TENM4: variants seen among roughly 807,000 people sequenced by gnomAD.
TENM4 encodes teneurin transmembrane protein 4.
A neutral mutation model predicts 243.3 loss-of-function variants in TENM4; 82 were observed. The ratio of observed to expected loss-of-function variants is 0.34; its 90% CI spans 0.28 to 0.40. The LOEUF (loss-of-function observed/expected upper bound fraction) is 0.40. Among genes scored for constraint, TENM4 ranks in the 10% least tolerant of loss-of-function variants. The pLI, the probability that TENM4 is intolerant of heterozygous loss-of-function variation, is 1.00. For missense variants in TENM4, 3,138 were observed against 3,673.3 expected (o/e 0.85, Z 3.77); for synonymous variants, 1,412 against 1,456.3 (o/e 0.97, Z 0.69).
At chr11:78,828,812 A>G (rs1857914366) in intron 12 of TENM4, among the ~76,000 whole-genome samples, 1 of 152,266 alleles carries the variant, frequency 6.6e-6, no homozygotes, top group South Asian at 2.1e-4. Flanking sequence ...TCTGTTGTGA[A>G]AACTTTATAG....
At chr11:78,847,477 TC>T (rs999513956) in intron 12 of TENM4, among the ~76,000 whole-genome samples, 1 of 152,214 alleles carries the variant, frequency 6.6e-6, no homozygotes, top group African/African-American at 2.4e-5. Context: ...GCTCTGATAC[TC>T]CTAGCTCTCT....
chr11:78,957,317 A>T (rs952146736), intron 6 of TENM4, among the ~76,000 whole-genome samples: 2 of 152,216 alleles, frequency 1.3e-5, no homozygotes, highest in African/African-American at 4.8e-5. Context: ...AACAACAACA[A>T]CAACAACAAA....
intron 2 of TENM4, among the ~76,000 whole-genome samples, chr11:79,232,330 C>T (rs1864388359): frequency 6.6e-6 from 1 of 152,178 alleles, no homozygotes; most frequent in Non-Finnish European, 1.5e-5. Flanking sequence ...CAGGTTAAGG[C>T]CAAGAGAGCA....
In TENM4 at chr11:78,756,877, TAGA is replaced by T; in HGVS notation, c.2681_2683del (p.Phe894del). 1.9e-6 allele frequency: 3 copies of T among 1,613,924 alleles called. No individual in the cohort carries two copies. Among genetic ancestry groups the T allele is most frequent in the South Asian group, 1.1e-5 (1 of 91,068 alleles). Reference sequence around the variant, plus strand: ...GCCCACGAGGAACTTGATGCGGTCATAGAAGGAGTGTAGGTTCTGCTGTGACAC... The same window carrying T: ...GCCCACGAGGAACTTGATGCGGTCATAGGAGTGTAGGTTCTGCTGTGACAC... On this transcript the variant is annotated inframe_deletion, in exon 19 of 34. Coordinates refer to ENST00000278550, the MANE Select transcript of TENM4 (RefSeq NM_001098816.3).
chr11:78,878,310 CG>C (rs1304599340), intron 9 of TENM4, among the ~76,000 whole-genome samples: 1 of 152,052 alleles, frequency 6.6e-6, no homozygotes, highest in Non-Finnish European at 1.5e-5. Flanking sequence ...CTAAGTATGA[CG>C]GAAATTTTTT....
intron 1 of TENM4, among the ~76,000 whole-genome samples, chr11:79,381,521 G>A (rs745518480): frequency 2.0e-5 from 3 of 150,852 alleles, no homozygotes; most frequent in Non-Finnish European, 4.4e-5. Context: ...CATTCAACCC[G>A]TTGACCGAAT....
intron 1 of TENM4, among the ~76,000 whole-genome samples, chr11:79,323,155 T>C (rs1262856066): frequency 6.6e-6 from 1 of 152,244 alleles, no homozygotes; most frequent in East Asian, 1.9e-4. Context: ...GATTTGGTAC[T>C]GGAAATTTGC....
In TENM4 at chr11:78,701,659, C is replaced by T. The variant is rs373010579; in HGVS notation, c.4954G>A (p.Val1652Met). ...AGTGCACTGTTGGTGCCCATGGTCACCCAGTACACCTGGCCATCTGGGACC... is the reference window on the plus strand; with the variant it reads ...AGTGCACTGTTGGTGCCCATGGTCATCCAGTACACCTGGCCATCTGGGACC... ...LVVPDGQVYW[V>M]TMGTNSALKS... The change falls in exon 28 of 34, where the codon GTG becomes ATG. Residue 1652 changes from valine (V) to methionine (M), a missense_variant. By Grantham distance (21) the Val-to-Met change is conservative. Around this residue, in one of 2 missense-constraint regions of TENM4, gnomAD observed 2,467 missense variants for 3,059.1 expected, o/e 0.81. Transcript: ENST00000278550. The T allele has an allele frequency of 1.9e-6, 3 of 1,613,822 alleles. No individual in the cohort carries two copies. The highest frequency in any genetic ancestry group is 2.5e-6 in the Non-Finnish European group (3 of 1,179,892).
At chr11:78,982,344 C>T (rs555877411) in intron 6 of TENM4, among the ~76,000 whole-genome samples, 62 of 152,286 alleles carry the variant, frequency 4.1e-4, no homozygotes, top group South Asian at 3.7e-3. Flanking sequence ...GGTCCACTCG[C>T]GGCTGTGGCC....
intron 1 of TENM4, among the ~76,000 whole-genome samples, chr11:79,307,369 G>A (rs1276447879): frequency 6.6e-6 from 1 of 152,018 alleles, no homozygotes; most frequent in African/African-American, 2.4e-5. Flanking sequence ...CCTTCCACCG[G>A]CCGCACAAGC....
intron 3 of TENM4, among the ~76,000 whole-genome samples, chr11:79,199,065 G>T (rs1013837698): frequency 6.6e-6 from 1 of 152,154 alleles, no homozygotes; most frequent in African/African-American, 2.4e-5. Flanking sequence ...AGCAAAGAGA[G>T]GGGGAAGAAT....
intron 6 of TENM4, among the ~76,000 whole-genome samples, chr11:79,049,027 T>C (rs1859731767): frequency 6.6e-6 from 1 of 152,208 alleles, no homozygotes; most frequent in South Asian, 2.1e-4. Flanking sequence ...AGCACTGATG[T>C]ATGCCTACGT....
chr11:79,434,532 T>C (rs1014828559), intron 1 of TENM4, among the ~76,000 whole-genome samples: 1 of 152,154 alleles, frequency 6.6e-6, no homozygotes, highest in Non-Finnish European at 1.5e-5. Flanking sequence ...TCAACTCCAT[T>C]GCTGGCTGAA....
At chr11:79,339,069 G>A (rs192200104) in intron 1 of TENM4, among the ~76,000 whole-genome samples, 1 of 152,302 alleles carries the variant, frequency 6.6e-6, no homozygotes, top group East Asian at 1.9e-4. Context: ...GGCTCTGAGT[G>A]CCAGGAAGAT....
intron 6 of TENM4, among the ~76,000 whole-genome samples, chr11:78,971,800 T>A (rs929106115): frequency 2.0e-5 from 3 of 151,718 alleles, no homozygotes; most frequent in South Asian, 2.1e-4. Flanking sequence ...TTAAAAAAAA[T>A]GTTAAAAAGG....
At chr11:79,213,520 G>A (rs529939054) in intron 3 of TENM4, among the ~76,000 whole-genome samples, 1 of 152,364 alleles carries the variant, frequency 6.6e-6, no homozygotes, top group South Asian at 2.1e-4. Context: ...GCTCCATCCT[G>A]CTAGACTCAG....
rs1855625464 is a variant in TENM4, at chr11:78,889,950, A to C, written c.919T>G (p.Ser307Ala). Residue 307 changes from serine (S) to alanine (A), a missense_variant, in exon 9 of 34, where the codon TCC (serine) becomes GCC (alanine). By Grantham distance (99) the Ser-to-Ala change is moderately conservative (BLOSUM62 1). Transcript: ENST00000278550. Reference sequence around the variant, plus strand: ...GGCGGAGGAGAGTACACTGTGCTGGACGTCAGTGGGTACCCTGGTGATGTG... The same window carrying C: ...GGCGGAGGAGAGTACACTGTGCTGGCCGTCAGTGGGTACCCTGGTGATGTG... Reference protein sequence around the residue: ...CTTSPGYPLTSSTVYSPPPRP... With the variant: ...CTTSPGYPLTASTVYSPPPRP... The C allele has an allele frequency of 6.4e-7, 1 of 1,551,606 alleles. No individual in the cohort carries two copies. The highest frequency in any genetic ancestry group is 8.7e-7 in the Non-Finnish European group (1 of 1,146,972).
At chr11:79,190,828 C>CG (rs1863466589) in intron 3 of TENM4, among the ~76,000 whole-genome samples, 2 of 76,796 alleles carry the variant, frequency 2.6e-5, no homozygotes, top group African/African-American at 1.4e-4. Flanking sequence ...CTCCCTCTCC[C>CG]TTCTCCCTCT....
intron 16 of TENM4, among the ~76,000 whole-genome samples, chr11:78,781,078 C>A (rs1347620525): frequency 6.6e-6 from 1 of 152,196 alleles, no homozygotes; most frequent in Non-Finnish European, 1.5e-5. Flanking sequence ...ATGGGAGTGA[C>A]AAATGGGTCT....
Sources: allele counts gnomAD v4.1 joint callset (sites outside exome capture counted in the v4.1 genomes callset), GRCh38; gene constraint gnomAD v4.1.1; regional missense constraint gnomAD v4.1.1; transcripts MANE v1.5; gene names NCBI Gene and HGNC (gene_info 2026-07-23, HGNC 2026-07-21).